The following ERG variants were observed in gnomAD, a reference collection of about 807,000 sequenced individuals.
ERG encodes the protein ETS transcription factor ERG, also known as transcriptional regulator ERG.
ERG carries 9 observed loss-of-function variants against 55.3 expected under a neutral mutation model. The ratio of observed to expected loss-of-function variants is 0.16; its 90% CI spans 0.10 to 0.28. The LOEUF is 0.28. ERG is among the 10% of genes least tolerant of loss of function. ERG has a pLI of 1.00. For missense variants in ERG, 434 were observed against 631.6 expected, an observed-to-expected ratio of 0.69 and a Z score of 3.35; for synonymous variants, 223 against 237.3, an observed-to-expected ratio of 0.94 and a Z score of 0.55.
intron 1 of ERG, among the ~76,000 whole-genome samples, chr21:38,641,555 C>T (rs2060425091): frequency 6.6e-6 from 1 of 152,168 alleles, no homozygotes; most frequent in South Asian, 2.1e-4. Flanking sequence ...GCACCAAATA[C>T]GTCCCCCTTT....
chr21:38,536,259 G>A (rs1316061070), intron 2 of ERG, among the ~76,000 whole-genome samples: 1 of 151,430 alleles, frequency 6.6e-6, no homozygotes, highest in Non-Finnish European at 1.5e-5. Context: ...GAGTCATCAA[G>A]CCATATCTCC....
intron 1 of ERG, among the ~76,000 whole-genome samples, chr21:38,616,691 G>C (rs554394225): frequency 1.3e-5 from 2 of 152,250 alleles, no homozygotes; most frequent in East Asian, 3.9e-4. Flanking sequence ...AGTCTGCTCA[G>C]AAAACATTCA....
intron 2 of ERG, among the ~76,000 whole-genome samples, chr21:38,539,543 T>C (rs544398047): frequency 5.3e-5 from 8 of 152,294 alleles, no homozygotes; most frequent in African/African-American, 1.7e-4. Context: ...AATATAACTT[T>C]GAGTTATTTT....
intron 1 of ERG, among the ~76,000 whole-genome samples, chr21:38,458,138 C>T (rs1466256448): frequency 2.0e-5 from 3 of 152,148 alleles, no homozygotes; most frequent in African/African-American, 7.2e-5. Flanking sequence ...TGTAAAAGAG[C>T]ACACTGGCCA....
At chr21:38,432,505 T>C (rs1248452637) in intron 2 of ERG, among the ~76,000 whole-genome samples, 5 of 152,230 alleles carry the variant, frequency 3.3e-5, no homozygotes, top group African/African-American at 9.6e-5. Flanking sequence ...CAGGCCTCAG[T>C]TGGTTAATCT....
At chr21:38,617,421 T>C (rs1184587676) in intron 1 of ERG, among the ~76,000 whole-genome samples, 1 of 152,206 alleles carries the variant, frequency 6.6e-6, no homozygotes, top group African/African-American at 2.4e-5. Context: ...GGCAGGCGGA[T>C]GACCTGCCCA....
At chr21:38,400,210 C>T in intron 6 of ERG, 1 of 435,022 alleles carries the variant, frequency 2.3e-6, no homozygotes, top group South Asian at 2.1e-5. Flanking sequence ...GATAATCGGT[C>T]ACTGTGAATC....
intron 2 of ERG, among the ~76,000 whole-genome samples, chr21:38,540,636 C>T (rs58284799): frequency 0.062 from 9,368 of 152,178 alleles, 727 homozygotes; most frequent in African/African-American, 0.18. Flanking sequence ...GGCATAGGCC[C>T]GATCACTCAT....
chr21:38,505,077 T>TAA (rs1383857086), intron 2 of ERG, among the ~76,000 whole-genome samples: 1 of 152,258 alleles, frequency 6.6e-6, no homozygotes, highest in Non-Finnish European at 1.5e-5. Flanking sequence ...AGGTGGGCTT[T>TAA]AATTCAGCAT....
At chr21:38,589,847 G>T (rs947156610), upstream of ERG, among the ~76,000 whole-genome samples, 3 of 152,108 alleles carry the variant, frequency 2.0e-5, no homozygotes, top group East Asian at 1.9e-4. Flanking sequence ...CATTTTCCTT[G>T]TTAACTAAAC....
the ERG span, among the ~76,000 whole-genome samples, chr21:38,367,817 C>T: frequency 9.9e-5 from 15 of 152,126 alleles, no homozygotes; most frequent in East Asian, 1.9e-4. Flanking sequence ...ACGAAACCTA[C>T]GGTACAGAGA....
chr21:38,569,382 ACTTGAC>A (rs2059943463), intron 2 of ERG, among the ~76,000 whole-genome samples: 1 of 152,238 alleles, frequency 6.6e-6, no homozygotes, highest in African/African-American at 2.4e-5. Flanking sequence ...CAAGGAAGTC[ACTTGAC>A]CAGCAGTAGC....
At chr21:38,609,204 G>A (rs1013432148) in intron 1 of ERG, among the ~76,000 whole-genome samples, 7 of 152,102 alleles carry the variant, frequency 4.6e-5, no homozygotes, top group African/African-American at 1.7e-4. Context: ...GAAGGCAAAG[G>A]GGAAGAAAAT....
intron 1 of ERG, among the ~76,000 whole-genome samples, chr21:38,610,670 A>G (rs908234390): frequency 6.6e-6 from 1 of 152,220 alleles, no homozygotes; most frequent in Non-Finnish European, 1.5e-5. Context: ...GATCTGAGCA[A>G]TCATTCTGTG....
intron 3 of ERG, among the ~76,000 whole-genome samples, chr21:38,407,768 AAAAC>A (rs1381413008): frequency 6.8e-6 from 1 of 147,292 alleles, no homozygotes; most frequent in African/African-American, 2.5e-5. Context: ...TAAAAGTAAA[AAAAC>A]AAAAAGAAAA....
At chr21:38,474,123 T>A (rs1228496823) in intron 1 of ERG, 1 of 152,184 alleles carries the variant, frequency 6.6e-6, no homozygotes, top group Non-Finnish European at 1.5e-5. Context: ...GGAGTTTAAC[T>A]GTGAGAGGTA....
At chr21:38,650,407 A>T (rs2060481797) in intron 1 of ERG, among the ~76,000 whole-genome samples, 1 of 145,996 alleles carries the variant, frequency 6.8e-6, no homozygotes, top group Non-Finnish European at 1.5e-5. Flanking sequence ...AGGCTGAGGC[A>T]GGAGGACTGC....
chr21:38,568,504 T>C (rs2059937154), intron 2 of ERG, among the ~76,000 whole-genome samples: 1 of 152,142 alleles, frequency 6.6e-6, no homozygotes, highest in Non-Finnish European at 1.5e-5. Flanking sequence ...AGCACACTCA[T>C]AAAAATGAGC....
chr21:38,628,370 A>T (rs2060337840), intron 1 of ERG, among the ~76,000 whole-genome samples: 1 of 152,224 alleles, frequency 6.6e-6, no homozygotes, highest in South Asian at 2.1e-4. Flanking sequence ...CAACCATTTA[A>T]AAAACATTGT....
Sources: gnomAD v4.1 joint callset for allele counts (sites outside exome capture counted in the v4.1 genomes callset) on GRCh38, gnomAD v4.1.1 for gene constraint, MANE v1.5 for transcripts, NCBI Gene and HGNC (gene_info 2026-07-23, HGNC 2026-07-21) for gene names.